ZNF460: variants seen among roughly 807,000 people sequenced by gnomAD.
The protein encoded by ZNF460 is zinc finger protein 272.
A neutral mutation model predicts 8.4 loss-of-function variants in ZNF460; 1 was observed. The observed-to-expected ratio is 0.12, with a 90% CI of 0.04 to 0.56. ZNF460 has a LOEUF of 0.56. ZNF460 is among the 20% of genes least tolerant of loss of function. ZNF460 has a pLI of 0.91. For missense variants in ZNF460, 477 were observed against 714.8 expected (o/e 0.67, Z 3.79); for synonymous variants, 262 against 259.9 (o/e 1.01, Z -0.08).
rs750010116 is a variant in ZNF460 at position 57,290,703 on chromosome 19, C to T, written c.162C>T (p.Asp54=). ...ETCGLLVALG[D]STKPETVEPI... is the part of the protein sequence containing the mutation. Reference sequence around the variant, plus strand: ...TGTGTATTGTGTTCCCTTCAGGTGACAGCACAAAACCTGAGACCGTAGAGC... The same window carrying T: ...TGTGTATTGTGTTCCCTTCAGGTGATAGCACAAAACCTGAGACCGTAGAGC... Residue 54 remains aspartate (D), a synonymous_variant, in exon 3 of 3, where the codon GAC becomes GAT. Transcript: ENST00000360338. 1.5e-5 allele frequency: 24 copies of T among 1,610,052 alleles called. No individual in the cohort carries two copies. The African/African-American group carries it at 3.1e-4, about 21-fold the overall frequency.
intron 2 of ZNF460, among the ~76,000 whole-genome samples, chr19:57,289,573 A>T (rs1460016105): frequency 6.6e-6 from 1 of 151,964 alleles, no homozygotes; most frequent in African/African-American, 2.4e-5. Flanking sequence ...GCTCCTTGAC[A>T]TGTTCTTGAG....
Position 57,291,116 on chromosome 19 carries a change from G to C in ZNF460, c.575G>C (p.Arg192Pro), listed in dbSNP as rs763416091. ...GTTCAGCATGAGCAGATTCTCCCTC[G>C]TGTGAAGCCCTATGATTGCCCAGAA... The part of the protein sequence containing the change: ...FLVQHEQILP[R>P]VKPYDCPECG... Residue 192 changes from arginine (R) to proline (P), a missense_variant, in exon 3 of 3, where the codon CGT becomes CCT. By Grantham distance (103) the Arg-to-Pro change is moderately radical. Transcript: ENST00000360338. This position sits in a 1 kb window ranked among gnomAD's most constrained non-coding sequence, Gnocchi z 8.4. 2 of 1,614,136 alleles carry C rather than the reference G, an allele frequency of 1.2e-6. No individual in the cohort carries two copies. The highest frequency in any genetic ancestry group is 1.7e-5 in the Admixed American group (1 of 60,014).
chr19:57,288,948 G>C (rs926172416), intron 2 of ZNF460, among the ~76,000 whole-genome samples: 1 of 147,744 alleles, frequency 6.8e-6, no homozygotes, highest in Non-Finnish European at 1.5e-5. Flanking sequence ...GGCTGGTCTC[G>C]AACTCCTGGG....
rs1317378694 is a variant in ZNF460 at position 57,290,804 on chromosome 19, C to A, written c.263C>A (p.Ser88Tyr). Residue 88 changes from serine (S) to tyrosine (Y), a missense_variant, in exon 3 of 3, where the codon TCC (serine) becomes TAC (tyrosine). By Grantham distance (144) the Ser-to-Tyr change is moderately radical. Transcript: ENST00000360338. ...EQLAQGVPRY[S>Y]YLGQAMDQDG... ...CTGGCACAGGGAGTCCCAAGATACT[C>A]CTATTTGGGGCAGGCCATGGATCAA... is the stretch of plus-strand genomic sequence containing the variant. 1 of 1,614,036 alleles carries A rather than the reference C, an allele frequency of 6.2e-7. No homozygotes were observed. Among genetic ancestry groups the A allele is most frequent in the African/African-American group, 1.3e-5 (1 of 74,908 alleles).
At chr19:57,284,452 T>G (rs566118355) in intron 1 of ZNF460, 99 bp from the exon 2 acceptor site, 1 of 1,478,656 alleles carries the variant, frequency 6.8e-7, no homozygotes, top group Non-Finnish European at 9.1e-7. Flanking sequence ...TGATTTGGCC[T>G]TTGATTCTCT....
At position 57,283,791 on chromosome 19, in the gene ZNF460, C is replaced by T. The variant is rs145130905; in HGVS notation, c.31-760C>T. 1.2e-3 allele frequency among the ~76,000 whole-genome samples: 180 copies of T among 152,236 alleles called. 1 individual carries two copies. The highest frequency in any genetic ancestry group is 4.0e-3 in the African/African-American group (166 of 41,534). ...TGCTGGGATTACAGGCATGAACCAC[C>T]GTGCCCAGCCTTGACTATTCTTGAT... On this transcript the variant is annotated intron_variant, in intron 1 of 2. Coordinates refer to ENST00000360338, the MANE Select transcript of ZNF460 (RefSeq NM_006635.4).
rs973805895 is a variant in ZNF460 at position 57,292,963 on chromosome 19, G to A, written c.*733G>A. The A allele has an allele frequency of 2.2e-4, 32 of 145,030 alleles. No individual in the cohort carries two copies. The highest frequency in any genetic ancestry group is 3.4e-3 in the Middle Eastern group (1 of 290). The allele number at this position is 145,030 out of a possible 1,614,324, so 9.0% of individuals were successfully genotyped here. A position where few individuals can be genotyped will look rare whatever the true frequency, so the allele number is the denominator to read the frequency against. Reference sequence around the variant, plus strand: ...GCACATTTTACTGCACACTTCAGACGCTTTGACTTTTTTAAAAAAATTGTT... The same window carrying A: ...GCACATTTTACTGCACACTTCAGACACTTTGACTTTTTTAAAAAAATTGTT... On this transcript the variant is annotated 3_prime_UTR_variant, in exon 3 of 3. Transcript: ENST00000360338.
intron 1 of ZNF460, among the ~76,000 whole-genome samples, chr19:57,283,662 T>C (rs960233975): frequency 5.3e-5 from 8 of 151,522 alleles, no homozygotes; most frequent in Non-Finnish European, 1.0e-4. Context: ...CCACCACACC[T>C]GGCTAATTTT....
intron 1 of ZNF460, among the ~76,000 whole-genome samples, chr19:57,281,515 T>C (rs1381534471): frequency 2.0e-5 from 3 of 151,710 alleles, no homozygotes; most frequent in Non-Finnish European, 2.9e-5. Context: ...TGTGGGCTGA[T>C]CGGTGAGTAT....
chr19:57,290,663 C>G, intron 2 of ZNF460, 36 bp from the exon 3 acceptor site: 1 of 1,568,662 alleles, frequency 6.4e-7, no homozygotes, highest in Non-Finnish European at 8.6e-7. Context: ...TCTGTACTAT[C>G]TTAATAAGTT....
rs2122895628 is a variant in ZNF460, at chr19:57,290,836, C to A, written c.295C>A (p.Pro99Thr). Reference protein sequence around the residue: ...YLGQAMDQDGPSEMQEYFLRP... With the variant: ...YLGQAMDQDGTSEMQEYFLRP... ...GGGGCAGGCCATGGATCAAGATGGGCCATCTGAAATGCAGGAATACTTTTT... is the reference window on the plus strand; with the variant it reads ...GGGGCAGGCCATGGATCAAGATGGGACATCTGAAATGCAGGAATACTTTTT... Residue 99 changes from proline to threonine, a missense_variant, in exon 3 of 3, where the codon CCA (proline) becomes ACA (threonine). By Grantham distance (38) the Pro-to-Thr change is conservative (BLOSUM62 -1). Transcript: ENST00000360338. 1 of 1,614,132 alleles carries A rather than the reference C, an allele frequency of 6.2e-7. No homozygotes were observed. Among genetic ancestry groups the A allele is most frequent in the Non-Finnish European group, 8.5e-7 (1 of 1,180,032 alleles).
chr19:57,292,058 C>G lies in ZNF460; in HGVS notation c.1517C>G (p.Pro506Arg), dbSNP rs755524325. The change falls in exon 3 of 3, where the codon CCC (proline) becomes CGC (arginine). Residue 506 changes from proline to arginine, a missense_variant. Pro to Arg is a moderately radical substitution (Grantham distance 103, BLOSUM62 -2). Around this residue, in one of 5 missense-constraint regions of ZNF460, gnomAD observed 83 missense variants for 82.3 expected, o/e 1.01. Coordinates refer to ENST00000360338, the MANE Select transcript of ZNF460 (RefSeq NM_006635.4). ...CACACTGCAGAGAAGTCCCACGAAC[C>G]CATCCAGAGTGGGAACGTTTCTTGT... Reference protein sequence around the residue: ...RIHTAEKSHEPIQSGNVSCES... With the variant: ...RIHTAEKSHERIQSGNVSCES... 2 of 1,614,188 alleles carry G rather than the reference C, an allele frequency of 1.2e-6. No individual in the cohort carries two copies. The highest frequency in any genetic ancestry group is 2.2e-5 in the South Asian group (2 of 91,084).
At chr19:57,282,739 C>T (rs2087848654) in intron 1 of ZNF460, among the ~76,000 whole-genome samples, 1 of 152,126 alleles carries the variant, frequency 6.6e-6, no homozygotes, top group Admixed American at 6.5e-5. Context: ...CCTGTAAACC[C>T]TGCACTTTGG....
chr19:57,283,170 T>TTTTC (rs1238905845), intron 1 of ZNF460, among the ~76,000 whole-genome samples: 1 of 151,494 alleles, frequency 6.6e-6, no homozygotes, highest in Admixed American at 6.6e-5. Flanking sequence ...TACAAACAGT[T>TTTTC]TTTCTTTCTT....
At position 57,292,373 on chromosome 19, in the gene ZNF460, A is replaced by G. The variant is rs920511295; in HGVS notation, c.*143A>G. On this transcript the variant is annotated 3_prime_UTR_variant, in exon 3 of 3. Coordinates refer to ENST00000360338, the MANE Select transcript of ZNF460 (RefSeq NM_006635.4). ...ATCTGGTCATTCATACTGAAGAGAA[A>G]CTCCATAAGTATCATCTCTGTGGGA... 5 of 832,844 alleles carry G rather than the reference A, an allele frequency of 6.0e-6. No individual in the cohort carries two copies. The African/African-American group carries it at 8.5e-5, about 14-fold the overall frequency. 51.6% of individuals were successfully genotyped at this position (832,844 alleles called of 1,614,324 possible). A position where few individuals can be genotyped will look rare whatever the true frequency, so the allele number is the denominator to read the frequency against.
intron 2 of ZNF460, among the ~76,000 whole-genome samples, chr19:57,289,883 G>GT (rs1219092673): frequency 1.3e-5 from 2 of 152,062 alleles, no homozygotes; most frequent in African/African-American, 4.8e-5. Flanking sequence ...GCTCACACCT[G>GT]TAATTCTAGC....
intron 2 of ZNF460, among the ~76,000 whole-genome samples, chr19:57,286,088 C>CA (rs2087877523): frequency 1.3e-5 from 2 of 152,154 alleles, no homozygotes; most frequent in South Asian, 4.1e-4. Flanking sequence ...CAATATGTGC[C>CA]AAAAAAGGCA....
chr19:57,288,100 C>G (rs2087892028), intron 2 of ZNF460, among the ~76,000 whole-genome samples: 2 of 152,156 alleles, frequency 1.3e-5, no homozygotes, highest in South Asian at 2.1e-4. Context: ...TCCTTTCATT[C>G]CTAATTTTCA....
At position 57,284,555 on chromosome 19, in the gene ZNF460, C is replaced by G. The variant is rs924563212; in HGVS notation, c.35C>G (p.Ser12Cys). 5 of 1,612,134 alleles carry G rather than the reference C, an allele frequency of 3.1e-6. No individual in the cohort carries two copies. The highest frequency in any genetic ancestry group is 4.2e-6 in the Non-Finnish European group (5 of 1,179,368). Residue 12 changes from serine (S) to cysteine (C), a missense_variant, in exon 2 of 3, where the codon TCT (serine) becomes TGT (cysteine). This residue lies in a region of ZNF460 where 22 missense variants were observed against 22.3 expected (regional missense o/e 0.99). Transcript: ENST00000360338. ...AAAWMAPAQE[S>C]VTFEDVAVTF... ...TGGTTCTTTTTGACTTTTCAGGAGT[C>G]TGTGACCTTCGAGGATGTGGCTGTG...
Sources: allele counts gnomAD v4.1 joint callset (sites outside exome capture counted in the v4.1 genomes callset), GRCh38; gene constraint gnomAD v4.1.1; regional missense constraint gnomAD v4.1.1; non-coding constraint Gnocchi (gnomAD v3.1); transcripts MANE v1.5; gene names NCBI Gene and HGNC (gene_info 2026-07-23, HGNC 2026-07-21).